NAALADL1: variants seen among roughly 807,000 people sequenced by gnomAD.
NAALADL1 encodes aminopeptidase NAALADL1.
A neutral mutation model predicts 82.8 loss-of-function variants in NAALADL1; 77 were observed. The observed-to-expected ratio is 0.93, with a 90% CI of 0.77 to 1.12. The LOEUF is 1.12. NAALADL1 is among the 50% of genes most tolerant of loss of function. The probability of loss-of-function intolerance (pLI) is 0.00; values close to 1 mark genes in which losing one functional copy is unlikely to be tolerated. For synonymous variants in NAALADL1, 358 were observed against 399.2 expected (o/e 0.90, Z 1.23); for missense variants, 956 against 964.0 (o/e 0.99, Z 0.11).
rs140704268 is a variant in NAALADL1 at position 65,054,248 on chromosome 11, A to G, written c.992+2T>C. 2.1e-5 allele frequency: 34 copies of G among 1,613,274 alleles called. No homozygotes were observed. The highest frequency in any genetic ancestry group is 2.6e-5 in the Non-Finnish European group (31 of 1,179,474). On this transcript the variant is annotated splice_donor_variant, in intron 6 of 17. Coordinates refer to ENST00000358658, the MANE Select transcript of NAALADL1 (RefSeq NM_005468.3). LOFTEE classifies it high-confidence loss of function. This position sits in a 1 kb window ranked among gnomAD's most constrained non-coding sequence, Gnocchi z 4.3. ...GGGAGACCTGGTCTGGCTGCATCTC[A>G]CCTGTCTGCTGGGAAGTCTCCGTCA...
At chr11:65,047,103 C>T (rs890198441) in intron 13 of NAALADL1, among the ~76,000 whole-genome samples, 1 of 151,954 alleles carries the variant, frequency 6.6e-6, no homozygotes, top group African/African-American at 2.4e-5. Flanking sequence ...CATAACGGCA[C>T]ATCTTATAAT....
chr11:65,046,360 A>G lies in NAALADL1; in HGVS notation c.1684T>C (p.Phe562Leu). 6.2e-7 allele frequency: 1 copy of G among 1,614,234 alleles called. No homozygotes were observed. The highest frequency in any genetic ancestry group is 8.5e-7 in the Non-Finnish European group (1 of 1,180,046). ...DYVDKFLDPGFSSHQAVARTA... is the reference protein window; with the variant it reads ...DYVDKFLDPGLSSHQAVARTA... The stretch of plus-strand genomic sequence containing the variant: ...CGGGCCACAGCCTGATGGCTGCTGA[A>G]GCCTGCGGCAAGGTGACAAGGCCAG... Residue 562 changes from phenylalanine to leucine, a missense_variant and splice_region_variant, in exon 15 of 18, where the codon TTC becomes CTC. By Grantham distance (22) the Phe-to-Leu change is conservative. Coordinates refer to ENST00000358658, the MANE Select transcript of NAALADL1 (RefSeq NM_005468.3).
At position 65,055,255 on chromosome 11, in the gene NAALADL1, G is replaced by T. The variant is rs1455974480; in HGVS notation, c.604-517C>A. Among the ~76,000 whole-genome samples the T allele has an allele frequency of 4.6e-5, 7 of 152,148 alleles. No homozygotes were observed. The East Asian group carries it at 1.2e-3, about 25-fold the overall frequency. On this transcript the variant is annotated intron_variant, in intron 4 of 17. Coordinates refer to ENST00000358658, the MANE Select transcript of NAALADL1 (RefSeq NM_005468.3). ...AGGTCAAGACCAGCCTGGCCAACAT[G>T]GTGAAACCTTGTCTCTACTAAAAAT...
intron 8 of NAALADL1, among the ~76,000 whole-genome samples, chr11:65,052,013 C>T (rs1286066674): frequency 6.6e-6 from 1 of 152,152 alleles, no homozygotes; most frequent in Admixed American, 6.5e-5. Flanking sequence ...GACCCCATCT[C>T]TATAAAAATA....
intron 17 of NAALADL1, 49 bp from the exon 18 acceptor site, chr11:65,045,506 G>A: frequency 6.6e-7 from 1 of 1,526,200 alleles, no homozygotes. Context: ...CAGGGGCCAG[G>A]AAAGAGAAGC....
intron 8 of NAALADL1, among the ~76,000 whole-genome samples, chr11:65,051,566 A>G (rs1946890145): frequency 6.6e-6 from 1 of 151,800 alleles, no homozygotes; most frequent in Admixed American, 6.6e-5. Context: ...TCCTGGGCTC[A>G]AGCAATCCGC....
rs12288247 is a variant in NAALADL1, at chr11:65,053,595, G to A, written c.993-19C>T. ...CACCTGGCTGGGGAGGGTGAAGGGT[G>A]TGAGAAGACTCTTGGCCTTGCCCAC... On this transcript the variant is annotated intron_variant, in intron 6 of 17. Transcript: ENST00000358658. The surrounding 1 kb of genome is among the most constrained non-coding windows in gnomAD (Gnocchi z 4.3). 3.7e-3 allele frequency: 5,823 copies of A among 1,572,426 alleles called. 187 individuals are homozygous for A. The African/African-American group carries it at 0.067, about 18-fold the overall frequency.
intron 8 of NAALADL1, among the ~76,000 whole-genome samples, chr11:65,051,679 G>C (rs934391900): frequency 1.3e-5 from 2 of 151,980 alleles, no homozygotes; most frequent in Non-Finnish European, 2.9e-5. Flanking sequence ...CAAGGGGGGG[G>C]ATGGAGTTTG....
intron 16 of NAALADL1, 50 bp from the exon 17 acceptor site, chr11:65,045,964 T>C (rs1359836591): frequency 1.9e-6 from 3 of 1,612,042 alleles, no homozygotes; most frequent in Admixed American, 1.7e-5. Flanking sequence ...GCAGCCCAGC[T>C]ACCAGCCTGG....
chr11:65,045,749 A>G, intron 17 of NAALADL1, 73 bp downstream of exon 17: 2 of 1,424,948 alleles, frequency 1.4e-6, no homozygotes, highest in South Asian at 1.2e-5. Context: ...GAAGCTGACC[A>G]CCTCGTCTCA....
chr11:65,052,085 G>A (rs1434253508), intron 8 of NAALADL1, among the ~76,000 whole-genome samples: 1 of 152,042 alleles, frequency 6.6e-6, no homozygotes. Flanking sequence ...CTTCCTTCTA[G>A]ATCTGTCCTA....
intron 8 of NAALADL1, among the ~76,000 whole-genome samples, chr11:65,052,382 C>G (rs1302669059): frequency 1.3e-5 from 2 of 152,048 alleles, no homozygotes; most frequent in Non-Finnish European, 2.9e-5. Context: ...GGCGCGATCT[C>G]AGCTCACTGC....
In NAALADL1 at chr11:65,045,206, A is replaced by G. The variant is rs1465223994; in HGVS notation, c.*65T>C. 6.5e-7 allele frequency: 1 copy of G among 1,540,958 alleles called. No homozygotes were observed. The highest frequency in any genetic ancestry group is 8.8e-7 in the Non-Finnish European group (1 of 1,135,278). ...TCTTCTGGCACCAAGGAAGACCAGG[A>G]CATCTCAGGAAAGCAGGCAGGAGAG... is the stretch of plus-strand genomic sequence containing the variant. On this transcript the variant is annotated 3_prime_UTR_variant, in exon 18 of 18. Coordinates refer to ENST00000358658, the MANE Select transcript of NAALADL1 (RefSeq NM_005468.3).
chr11:65,057,670 G>T (rs760907336), intron 3 of NAALADL1, among the ~76,000 whole-genome samples, 177 bp from the exon 4 acceptor site: 4 of 152,166 alleles, frequency 2.6e-5, no homozygotes, highest in Non-Finnish European at 5.9e-5. Flanking sequence ...TGGGTGCCCT[G>T]TAACAGACCT....
rs947961260 is a variant in NAALADL1, at chr11:65,057,550, A to AG, written c.481-58dup. ...GGGCCCAGCGAAGTGTGGGTGGGGA[A>AG]GGGGGGTGGAAGTTTGCATGGCAGG... On this transcript the variant is annotated intron_variant, in intron 3 of 17. Coordinates refer to ENST00000358658, the MANE Select transcript of NAALADL1 (RefSeq NM_005468.3). 23 of 1,568,648 alleles carry AG rather than the reference A, an allele frequency of 1.5e-5. No homozygotes were observed. The African/African-American group carries it at 2.7e-4, about 19-fold the overall frequency.
chr11:65,059,753 G>A (rs904387738), upstream of NAALADL1, among the ~76,000 whole-genome samples: 6 of 152,200 alleles, frequency 3.9e-5, no homozygotes, highest in Middle Eastern at 3.2e-3. Context: ...TCCAGCAGGC[G>A]AGGCAGACAG....
At chr11:65,050,042 AT>A (rs1946844671) in intron 8 of NAALADL1, among the ~76,000 whole-genome samples, 1 of 151,068 alleles carries the variant, frequency 6.6e-6, no homozygotes, top group Non-Finnish European at 1.5e-5. Flanking sequence ...CGCCCAGCTA[AT>A]TTTTGTATTT....
Position 65,047,734 on chromosome 11 carries a change from C to T in NAALADL1, c.1421G>A (p.Arg474His), listed in dbSNP as rs1203321722. ...SVVFSATKEI[R>H]SPGPGDLSIY... ...GCTCAGGTCGCCAGGGCCTGGTGAGCGGATCTGGCCGGAAGGAGAATTTAG... is the reference window on the plus strand; with the variant it reads ...GCTCAGGTCGCCAGGGCCTGGTGAGTGGATCTGGCCGGAAGGAGAATTTAG... Residue 474 changes from arginine to histidine, a missense_variant, in exon 12 of 18, where the codon CGC becomes CAC. By Grantham distance (29) the Arg-to-His change is conservative (BLOSUM62 0). Coordinates refer to ENST00000358658, the MANE Select transcript of NAALADL1 (RefSeq NM_005468.3). 2 of 1,598,138 alleles carry T rather than the reference C, an allele frequency of 1.3e-6. No homozygotes were observed. The highest frequency in any genetic ancestry group is 1.1e-5 in the South Asian group (1 of 87,882).
At chr11:65,048,104 CA>C in intron 10 of NAALADL1, 47 bp downstream of exon 10, 2 of 1,614,072 alleles carry the variant, frequency 1.2e-6, no homozygotes, top group Non-Finnish European at 1.7e-6. Context: ...TTTACCCACC[CA>C]GTCGTCCCGC....
Sources: gnomAD v4.1 joint callset for allele counts (sites outside exome capture counted in the v4.1 genomes callset) on GRCh38, gnomAD v4.1.1 for gene constraint, Gnocchi (gnomAD v3.1) non-coding constraint, MANE v1.5 for transcripts, NCBI Gene and HGNC (gene_info 2026-07-23, HGNC 2026-07-21) for gene names.